Variants in ANKRD28 observed in about 807,000 individuals in gnomAD.
ANKRD28 encodes the protein serine/threonine-protein phosphatase 6 regulatory ankyrin repeat subunit A.
ANKRD28 carries 44 observed loss-of-function variants against 126.5 expected under a neutral mutation model. The ratio of observed to expected loss-of-function variants is 0.35; its 90% CI spans 0.27 to 0.45. ANKRD28 has a LOEUF of 0.45. Among genes scored for constraint, ANKRD28 ranks in the 20% least tolerant of loss-of-function variants. The pLI is 1.00. For synonymous variants in ANKRD28, 442 were observed against 468.5 expected (o/e 0.94, Z 0.73); for missense variants, 1,110 against 1,316.6 (o/e 0.84, Z 2.43).
At chr3:15,857,731 C>T (rs537978220) in intron 1 of ANKRD28, among the ~76,000 whole-genome samples, 40 of 152,238 alleles carry the variant, frequency 2.6e-4, no homozygotes, top group Non-Finnish European at 5.1e-4. Flanking sequence ...AAAACACAAT[C>T]CTGTTTCTGT....
chr3:15,726,859 G>A (rs148514972), intron 6 of ANKRD28, among the ~76,000 whole-genome samples: 9 of 152,268 alleles, frequency 5.9e-5, no homozygotes, highest in African/African-American at 2.2e-4. Flanking sequence ...TTAAGTCAAT[G>A]CTCATTTACC....
At chr3:15,737,009 A>G in intron 5 of ANKRD28, 24 bp downstream of exon 5, 1 of 1,610,662 alleles carries the variant, frequency 6.2e-7, no homozygotes, top group Non-Finnish European at 8.5e-7. Context: ...GAGAAAAATA[A>G]TGGTCTAATT....
chr3:15,727,202 T>G (rs920284910), intron 6 of ANKRD28, among the ~76,000 whole-genome samples: 1 of 152,032 alleles, frequency 6.6e-6, no homozygotes, highest in African/African-American at 2.4e-5. Context: ...ACATTTGAAG[T>G]GGATATAGCT....
chr3:15,718,087 A>G (rs1294809558), intron 8 of ANKRD28, among the ~76,000 whole-genome samples: 1 of 152,230 alleles, frequency 6.6e-6, no homozygotes, highest in Non-Finnish European at 1.5e-5. Context: ...CACCGATTTT[A>G]CAAATTATAA....
At chr3:15,784,169 T>C (rs1403792190) in intron 2 of ANKRD28, among the ~76,000 whole-genome samples, 1 of 151,252 alleles carries the variant, frequency 6.6e-6, no homozygotes, top group Non-Finnish European at 1.5e-5. Flanking sequence ...AGAAGAAAAA[T>C]GTTATAGTCA....
chr3:15,750,034 T>C (rs2057765394), intron 4 of ANKRD28, among the ~76,000 whole-genome samples: 1 of 152,254 alleles, frequency 6.6e-6, no homozygotes, highest in Non-Finnish European at 1.5e-5. Context: ...AACTTGCCCT[T>C]AAATTCAGGC....
At chr3:15,788,256 C>T (rs1177125119) in intron 2 of ANKRD28, among the ~76,000 whole-genome samples, 1 of 152,114 alleles carries the variant, frequency 6.6e-6, no homozygotes, top group Non-Finnish European at 1.5e-5. Flanking sequence ...TGTATCACAG[C>T]TTAAAAGGCA....
chr3:15,837,867 C>A (rs2061355530), intron 1 of ANKRD28, among the ~76,000 whole-genome samples: 1 of 142,438 alleles, frequency 7.0e-6, no homozygotes. Context: ...ACCAAGAAAA[C>A]TGACAAACCT....
chr3:15,753,422 T>C (rs1054691320), intron 3 of ANKRD28, among the ~76,000 whole-genome samples: 10 of 152,258 alleles, frequency 6.6e-5, no homozygotes, highest in African/African-American at 2.4e-4. Context: ...TTCCCACTTA[T>C]CTGCTTAGGA....
chr3:15,769,942 T>C (rs966496829), intron 2 of ANKRD28, among the ~76,000 whole-genome samples: 3 of 151,864 alleles, frequency 2.0e-5, no homozygotes, highest in African/African-American at 7.2e-5. Context: ...ATGGAAGTTA[T>C]AGATAATGCA....
rs377650086 is a variant in ANKRD28, at chr3:15,734,664, G to A, written c.640+746C>T. Among the ~76,000 whole-genome samples the A allele has an allele frequency of 9.2e-5, 14 of 152,284 alleles. No individual in the cohort carries two copies. The East Asian group carries it at 2.1e-3, about 23-fold the overall frequency. On this transcript the variant is annotated intron_variant, in intron 6 of 27. Coordinates refer to ENST00000683139, the MANE Select transcript of ANKRD28 (RefSeq NM_001349278.2). ...GGACTTTAAGGATTTATGGCAAGGT[G>A]TACTTTCTCTATACTTAGAGATCTA...
intron 2 of ANKRD28, among the ~76,000 whole-genome samples, chr3:15,778,339 G>C (rs935458965): frequency 1.3e-5 from 2 of 152,176 alleles, no homozygotes; most frequent in Admixed American, 1.3e-4. Flanking sequence ...CAGGCATGGT[G>C]TGACTGGGTT....
chr3:15,713,855 AG>A (rs778320014), intron 9 of ANKRD28, among the ~76,000 whole-genome samples: 11 of 152,200 alleles, frequency 7.2e-5, no homozygotes, highest in Non-Finnish European at 1.2e-4. Flanking sequence ...AGATTTTAGT[AG>A]ATTTTTAAAT....
At chr3:15,745,621 A>G (rs113843800) in intron 4 of ANKRD28, among the ~76,000 whole-genome samples, 2,912 of 152,228 alleles carry the variant, frequency 0.019, 99 homozygotes, top group African/African-American at 0.066. Flanking sequence ...GCCTTATAGC[A>G]TAGTTTGAAG....
intron 14 of ANKRD28, among the ~76,000 whole-genome samples, chr3:15,704,111 C>T (rs1384498426): frequency 6.6e-6 from 1 of 152,068 alleles, no homozygotes; most frequent in African/African-American, 2.4e-5. Flanking sequence ...CTGCAACAGG[C>T]AAATATAATT....
In ANKRD28 at chr3:15,833,400, C is replaced by T. The variant is rs974953928; in HGVS notation, c.27+25977G>A. Among the ~76,000 whole-genome samples, 1 of 151,924 alleles carries T rather than the reference C, an allele frequency of 6.6e-6. No homozygotes were observed. Among genetic ancestry groups the T allele is most frequent in the Non-Finnish European group, 1.5e-5 (1 of 67,994 alleles). On this transcript the variant is annotated intron_variant, in intron 1 of 27. Coordinates refer to the ANKRD28 transcript ENST00000399451. The surrounding 1 kb of genome is among the most constrained non-coding windows in gnomAD (Gnocchi z 4.4). The stretch of plus-strand genomic sequence containing the variant: ...AGTTTTGGGGCTCGGACTGGCTATC[C>T]TTGCTCCTCAGCTGGCAGATGCCCT...
intron 1 of ANKRD28, among the ~76,000 whole-genome samples, chr3:15,828,134 T>G (rs1310136816): frequency 6.6e-6 from 1 of 152,188 alleles, no homozygotes; most frequent in Non-Finnish European, 1.5e-5. Context: ...TTTAATATGA[T>G]TAAATTTTGA....
chr3:15,684,439 T>G (rs560649197), intron 21 of ANKRD28: 1 of 152,328 alleles, frequency 6.6e-6, no homozygotes, highest in East Asian at 1.9e-4. Flanking sequence ...TTTATTCCTT[T>G]AAAACATTGA....
At chr3:15,789,061 T>A (rs1429780512) in intron 2 of ANKRD28, among the ~76,000 whole-genome samples, 2 of 152,116 alleles carry the variant, frequency 1.3e-5, no homozygotes, top group Non-Finnish European at 2.9e-5. Flanking sequence ...ACATTTTGAT[T>A]GCATTTCACC....
Sources: allele counts gnomAD v4.1 joint callset (sites outside exome capture counted in the v4.1 genomes callset), GRCh38; gene constraint gnomAD v4.1.1; non-coding constraint Gnocchi (gnomAD v3.1); transcripts MANE v1.5; gene names NCBI Gene and HGNC (gene_info 2026-07-23, HGNC 2026-07-21).